Variants in PLXNB2 observed in about 807,000 individuals in gnomAD.
PLXNB2 encodes the protein plexin-B2.
Under a neutral mutation model 202.6 loss-of-function variants are expected in PLXNB2, and 85 were observed. The ratio of observed to expected loss-of-function variants is 0.42; its 90% CI spans 0.35 to 0.50. The LOEUF (loss-of-function observed/expected upper bound fraction) is 0.50. Among genes scored for constraint, PLXNB2 ranks in the 20% least tolerant of loss-of-function variants. PLXNB2 has a pLI of 0.02. For missense variants in PLXNB2, 2,063 were observed against 2,586.2 expected, an observed-to-expected ratio of 0.80 and a Z score of 4.39; for synonymous variants, 1,239 against 1,137.6, an observed-to-expected ratio of 1.09 and a Z score of -1.79.
intron 2 of PLXNB2, 29 bp downstream of exon 2, chr22:50,294,690 C>T: frequency 2.1e-6 from 2 of 966,356 alleles, no homozygotes; most frequent in African/African-American, 3.5e-5. Flanking sequence ...CCCCAGCCAC[C>T]CACTGCCTTT....
In PLXNB2 at chr22:50,303,493, G is replaced by A. The variant is rs528105685; in HGVS notation, c.-74+4060C>T. ...CAGAAGGTCACCTGGGAAGAGAGCC[G>A]CAGCCCTACACAAGGCTCGTGGGCA... On this transcript the variant is annotated intron_variant, in intron 1 of 36. Coordinates refer to ENST00000359337, the MANE Select transcript of PLXNB2 (RefSeq NM_012401.4). 3.3e-5 allele frequency among the ~76,000 whole-genome samples: 5 copies of A among 152,318 alleles called. No individual in the cohort carries two copies. The South Asian group carries it at 8.3e-4, about 25-fold the overall frequency.
In PLXNB2 at chr22:50,281,491, G is replaced by A. The variant is rs201645775; in HGVS notation, c.3531C>T (p.Phe1177=). ...THNLPEFIVK[F]GSREWVLGRV... ...GGCCCAGCACCCACTCGCGAGAGCC[G>A]AACTTCACCTGTGTGGGGGGCCGGG... Residue 1177 remains phenylalanine (F), a synonymous_variant, in exon 22 of 37, where the codon TTC becomes TTT. Transcript: ENST00000359337. 875 of 1,611,548 alleles carry A rather than the reference G, an allele frequency of 5.4e-4. 9 individuals are homozygous for A. The Middle Eastern group carries it at 6.1e-3, about 11-fold the overall frequency.
chr22:50,302,832 A>C (rs1601782231), intron 1 of PLXNB2, among the ~76,000 whole-genome samples: 2 of 151,752 alleles, frequency 1.3e-5, no homozygotes, highest in Admixed American at 1.3e-4. Flanking sequence ...CCCTGGTGTC[A>C]AGCCGGTAAG....
rs764513348 is a variant in PLXNB2 at position 50,289,741 on chromosome 22, C to CGGCCAGGCAGGT, written c.832_843dup (p.Thr278_Ala281dup). 14 of 1,612,422 alleles carry CGGCCAGGCAGGT rather than the reference C, an allele frequency of 8.7e-6. No homozygotes were observed. Among genetic ancestry groups the CGGCCAGGCAGGT allele is most frequent in the Non-Finnish European group, 1.2e-5 (14 of 1,179,966 alleles). ...CCAGAGCCAGGCGCAGCCACGGAGGCGGCCAGGCAGGTGCCAAAGGCAGCG... is the reference window on the plus strand; with the variant it reads ...CCAGAGCCAGGCGCAGCCACGGAGGCGGCCAGGCAGGTGGCCAGGCAGGTGCCAAAGGCAGCG... On this transcript the variant is annotated inframe_insertion, in exon 3 of 37. Coordinates refer to ENST00000359337, the MANE Select transcript of PLXNB2 (RefSeq NM_012401.4). This position sits in a 1 kb window ranked among gnomAD's most constrained non-coding sequence, Gnocchi z 8.0.
chr22:50,299,692 G>A (rs2067544287), intron 1 of PLXNB2, among the ~76,000 whole-genome samples: 1 of 152,150 alleles, frequency 6.6e-6, no homozygotes, highest in Admixed American at 6.5e-5. Flanking sequence ...GAGGGACTGG[G>A]TGGAGAGCGC....
intron 1 of PLXNB2, among the ~76,000 whole-genome samples, chr22:50,299,008 C>G (rs2067477493): frequency 6.6e-6 from 1 of 152,232 alleles, no homozygotes; most frequent in Admixed American, 6.5e-5. Context: ...AGTGGGAGGG[C>G]AGGCCCAGCT....
chr22:50,300,438 C>G (rs1249279185), intron 1 of PLXNB2: 1 of 464,418 alleles, frequency 2.2e-6, no homozygotes, highest in South Asian at 9.2e-5. Context: ...CAATCATGCA[C>G]GACCCTGCCC....
chr22:50,289,046 C>T lies in PLXNB2; in HGVS notation c.1165G>A (p.Gly389Ser). The change falls in exon 4 of 37, where the codon GGC becomes AGC. Residue 389 changes from glycine to serine, a missense_variant. Transcript: ENST00000359337. The surrounding 1 kb of genome is among the most constrained non-coding windows in gnomAD (Gnocchi z 8.0). ...LRGTAVLQRG[G>S]LNLTAVTVAA... Reference sequence around the variant, plus strand: ...ACCGTCACGGCCGTGAGGTTCAGGCCTCCACGCTGCAGCACGGCTGTGCCT... The same window carrying T: ...ACCGTCACGGCCGTGAGGTTCAGGCTTCCACGCTGCAGCACGGCTGTGCCT... 1 of 1,609,012 alleles carries T rather than the reference C, an allele frequency of 6.2e-7. No homozygotes were observed. Among genetic ancestry groups the T allele is most frequent in the Admixed American group, 1.7e-5 (1 of 59,948 alleles).
intron 6 of PLXNB2, 21 bp downstream of exon 6, chr22:50,287,916 C>T (rs773376452): frequency 7.0e-5 from 110 of 1,580,918 alleles, no homozygotes; most frequent in Non-Finnish European, 8.1e-5. Flanking sequence ...GCCGTGTCCC[C>T]GAGCCACCCC....
chr22:50,295,091 CG>C (rs2067161350), intron 1 of PLXNB2, among the ~76,000 whole-genome samples: 1 of 151,964 alleles, frequency 6.6e-6, no homozygotes. Context: ...GAGGCCGAGG[CG>C]GGAGGATCAC....
chr22:50,290,435 C>G lies in PLXNB2; in HGVS notation c.150G>C (p.Ala50=). Residue 50 remains alanine (A), a synonymous_variant, in exon 3 of 37, where the codon GCG becomes GCC. Transcript: ENST00000359337. ...CATCCAGCTGGTAGAGGGCATTCACCGCCCCCAGGTACACCACGCCTGAGG... is the reference window on the plus strand; with the variant it reads ...CATCCAGCTGGTAGAGGGCATTCACGGCCCCCAGGTACACCACGCCTGAGG... The part of the protein sequence containing the change: ...DEASGVVYLG[A]VNALYQLDAK... The G allele has an allele frequency of 6.2e-7, 1 of 1,612,950 alleles. No homozygotes were observed. Among genetic ancestry groups the G allele is most frequent in the Non-Finnish European group, 8.5e-7 (1 of 1,179,994 alleles).
rs770516365 is a variant in PLXNB2, at chr22:50,278,166, C to T, written c.4838G>A (p.Arg1613Gln). The stretch of plus-strand genomic sequence containing the variant: ...GTAGATCTCGGTGATGGCCTTCGTC[C>T]GCTCCTTCTCTTTCACGCTGCCTCT... ...SKRGSVKEKE[R>Q]TKAITEIYLT... Residue 1613 changes from arginine (R) to glutamine (Q), a missense_variant, in exon 31 of 37, where the codon CGG (arginine) becomes CAG (glutamine). This residue lies in a region of PLXNB2 where 760 missense variants were observed against 1,109.4 expected (regional missense o/e 0.69). Transcript: ENST00000359337. 39 of 1,593,966 alleles carry T rather than the reference C, an allele frequency of 2.4e-5. No homozygotes were observed. The Admixed American group carries it at 4.4e-4, about 18-fold the overall frequency.
chr22:50,289,869 G>A lies in PLXNB2; in HGVS notation c.716C>T (p.Pro239Leu), dbSNP rs764196872. The A allele has an allele frequency of 2.5e-6, 4 of 1,613,152 alleles. No individual in the cohort carries two copies. Among genetic ancestry groups the A allele is most frequent in the Admixed American group, 1.7e-5 (1 of 60,010 alleles). The change falls in exon 3 of 37, where the codon CCG (proline) becomes CTG (leucine). Residue 239 changes from proline (P) to leucine (L), a missense_variant. Physicochemically the swap from Pro to Leu is moderately conservative, Grantham distance 98 (BLOSUM62 -3). Transcript: ENST00000359337. The surrounding 1 kb of genome is among the most constrained non-coding windows in gnomAD (Gnocchi z 8.0). ...FFVFNQQDKH[P>L]ARNRTLLARM... ...TGCCAGCAGCGTGCGGTTCCGGGCC[G>A]GGTGCTTGTCCTGCTGGTTGAAGAC... is the stretch of plus-strand genomic sequence containing the variant.
At chr22:50,280,449 C>A in intron 25 of PLXNB2, 40 bp downstream of exon 25, 1 of 1,557,140 alleles carries the variant, frequency 6.4e-7, no homozygotes, top group Non-Finnish European at 8.7e-7. Context: ...CCTGCGGCCG[C>A]CCCGCCCGTG....
intron 1 of PLXNB2, chr22:50,300,264 G>C: frequency 1.0e-6 from 1 of 985,278 alleles, no homozygotes; most frequent in East Asian, 1.1e-4. Context: ...CGTCGTCCCC[G>C]CGGGGCGCTC....
chr22:50,301,395 G>T, intron 1 of PLXNB2: 1 of 909,720 alleles, frequency 1.1e-6, no homozygotes, highest in Non-Finnish European at 1.2e-6. Context: ...GGTGGGCACC[G>T]CCAGGCGCTC....
rs1040005483 is a variant in PLXNB2, at chr22:50,297,917, G to A, written c.-73-3139C>T. On this transcript the variant is annotated intron_variant, in intron 1 of 36. Transcript: ENST00000359337. This position sits in a 1 kb window ranked among gnomAD's most constrained non-coding sequence, Gnocchi z 5.3. ...TTACAGCTGTGCCCACTCAGAGAAC[G>A]CTGCCTCACGACATTCCCACGTCCA... 6.6e-6 allele frequency among the ~76,000 whole-genome samples: 1 copy of A among 152,130 alleles called. No individual in the cohort carries two copies. The highest frequency in any genetic ancestry group is 1.5e-5 in the Non-Finnish European group (1 of 68,024).
At chr22:50,280,380 C>T in intron 25 of PLXNB2, 109 bp downstream of exon 25, 2 of 1,079,944 alleles carry the variant, frequency 1.9e-6, no homozygotes, top group Non-Finnish European at 2.6e-6. Context: ...CTGGCTGGCA[C>T]CTGCCGGCTC....
Position 50,281,573 on chromosome 22 carries a change from TCGGG to T in PLXNB2, c.3511_3514del (p.Pro1171SerfsTer4). 1 of 1,610,856 alleles carries T rather than the reference TCGGG, an allele frequency of 6.2e-7. No homozygotes were observed. The highest frequency in any genetic ancestry group is 8.5e-7 in the Non-Finnish European group (1 of 1,178,726). On this transcript the variant is annotated frameshift_variant, in exon 21 of 37. Coordinates refer to ENST00000359337, the MANE Select transcript of PLXNB2 (RefSeq NM_012401.4). LOFTEE classifies it high-confidence loss of function. ...CAGTCCCCGCTCACGCACAATGAAC[TCGGG>T]CAGGTTGTGTGTGGTGTCTCGTTTC...
Sources: allele counts gnomAD v4.1 joint callset (sites outside exome capture counted in the v4.1 genomes callset), GRCh38; gene constraint gnomAD v4.1.1; regional missense constraint gnomAD v4.1.1; non-coding constraint Gnocchi (gnomAD v3.1); transcripts MANE v1.5; gene names NCBI Gene and HGNC (gene_info 2026-07-23, HGNC 2026-07-21).